The following SZT2 variants were observed in gnomAD, a reference collection of about 807,000 sequenced individuals.
SZT2 encodes the protein SZT2 subunit of KICSTOR complex.
SZT2 carries 216 observed loss-of-function variants against 404.2 expected under a neutral mutation model. That is an observed-to-expected ratio of 0.53 (90% CI 0.48 to 0.60). The LOEUF (loss-of-function observed/expected upper bound fraction) is 0.60, where lower values mean the gene tolerates loss of function less well. Among genes scored for constraint, SZT2 ranks in the 20% least tolerant of loss-of-function variants. SZT2 has a pLI of 0.00. For missense variants in SZT2, 3,857 were observed against 4,459.2 expected (o/e 0.86, Z 3.85); for synonymous variants, 1,693 against 1,749.9 (o/e 0.97, Z 0.81).
rs758017419 is a variant in SZT2, at chr1:43,425,936, G to T, written c.2916G>T (p.Pro972=). 4.5e-5 allele frequency: 72 copies of T among 1,614,064 alleles called. No individual in the cohort carries two copies. In the South Asian group the frequency reaches 7.5e-4, roughly 17 times the overall value. Residue 972 remains proline (P), a synonymous_variant, in exon 20 of 72, where the codon CCG becomes CCT. Coordinates refer to ENST00000634258, the MANE Select transcript of SZT2 (RefSeq NM_001365999.1). This position sits in a 1 kb window ranked among gnomAD's most constrained non-coding sequence, Gnocchi z 4.3. ...AATGGGGTCCTCTGCCCCCAGAGCCGAGGGTCTCTGATGGTGAGTGGGGCA... is the reference window on the plus strand; with the variant it reads ...AATGGGGTCCTCTGCCCCCAGAGCCTAGGGTCTCTGATGGTGAGTGGGGCA... The part of the protein sequence containing the change: ...SKEWGPLPPE[P]RVSDGLDQGG...
Position 43,427,135 on chromosome 1 carries a change from AC to A in SZT2, c.3394del (p.Gln1132SerfsTer5). ...PQWRCYARLV[N>X]PQHVFLTFLP... is the part of the protein sequence containing the mutation. ...TGGCGCTGCTATGCAAGGCTTGTGAACCCCCAGCATGTGTTTCTGACTTTTC... is the reference window on the plus strand; with the variant it reads ...TGGCGCTGCTATGCAAGGCTTGTGAACCCCAGCATGTGTTTCTGACTTTTC... On this transcript the variant is annotated frameshift_variant, in exon 24 of 72. Transcript: ENST00000634258. LOFTEE classifies it high-confidence loss of function. 1 of 1,613,980 alleles carries A rather than the reference AC, an allele frequency of 6.2e-7. No individual in the cohort carries two copies. Among genetic ancestry groups the A allele is most frequent in the Non-Finnish European group, 8.5e-7 (1 of 1,179,984 alleles).
At chr1:43,410,397 A>G (rs1361802225) in intron 4 of SZT2, 1 of 151,924 alleles carries the variant, frequency 6.6e-6, no homozygotes, top group Non-Finnish European at 1.5e-5. Flanking sequence ...CTAAAAAACT[A>G]CAAAAAAACT....
At position 43,426,781 on chromosome 1, in the gene SZT2, C is replaced by T. The variant is rs745780102; in HGVS notation, c.3281C>T (p.Ala1094Val). The change falls in exon 23 of 72, where the codon GCC becomes GTC. Residue 1094 changes from alanine to valine, a missense_variant. Ala to Val is a moderately conservative substitution (Grantham distance 64, BLOSUM62 0). Around this residue, in one of 7 missense-constraint regions of SZT2, gnomAD observed 1,725 missense variants for 1,881.0 expected, o/e 0.92. Coordinates refer to ENST00000634258, the MANE Select transcript of SZT2 (RefSeq NM_001365999.1). The surrounding 1 kb of genome is among the most constrained non-coding windows in gnomAD (Gnocchi z 4.9). ...PKEQAVGSTQ[A>V]TGDSAFTSLS... ...GAGCAAGCAGTCGGCAGCACCCAGG[C>T]CACAGGAGACTCCGCTTTTACTTCC... 8.1e-6 allele frequency: 13 copies of T among 1,613,714 alleles called. No individual in the cohort carries two copies. Among genetic ancestry groups the T allele is most frequent in the Non-Finnish European group, 1.0e-5 (12 of 1,179,902 alleles).
chr1:43,394,376 G>T (rs1023525886), intron 1 of SZT2, among the ~76,000 whole-genome samples: 1 of 151,978 alleles, frequency 6.6e-6, no homozygotes, highest in Non-Finnish European at 1.5e-5. Flanking sequence ...ACCCAGTCTG[G>T]AGCCCATCAA....
Position 43,420,346 on chromosome 1 carries a change from G to A in SZT2, c.1261+23G>A, listed in dbSNP as rs771406475. ...AAGGTAAGGGTCATTAGGCCCTGCT[G>A]TAATCCCATAGATCTCTCAAGAATT... On this transcript the variant is annotated intron_variant, in intron 9 of 71. Coordinates refer to ENST00000634258, the MANE Select transcript of SZT2 (RefSeq NM_001365999.1). This position sits in a 1 kb window ranked among gnomAD's most constrained non-coding sequence, Gnocchi z 5.1. 2 of 1,549,378 alleles carry A rather than the reference G, an allele frequency of 1.3e-6. No individual in the cohort carries two copies. The highest frequency in any genetic ancestry group is 1.9e-5 in the Admixed American group (1 of 52,092).
intron 32 of SZT2, 34 bp downstream of exon 32, chr1:43,430,823 G>A (rs747347246): frequency 2.5e-6 from 4 of 1,593,618 alleles, no homozygotes; most frequent in Non-Finnish European, 3.4e-6. Flanking sequence ...AAAGCCAAAG[G>A]TCCTGGAACA....
At position 43,441,915 on chromosome 1, in the gene SZT2, G is replaced by A; in HGVS notation, c.7743-85G>A. 1.9e-6 allele frequency: 3 copies of A among 1,593,280 alleles called. No individual in the cohort carries two copies. The highest frequency in any genetic ancestry group is 2.6e-6 in the Non-Finnish European group (3 of 1,166,578). ...AACCTGAGGAAGCTGAGCTAGGAGA[G>A]GTGGAAACAAGGCCCAGGGAGGTGA... On this transcript the variant is annotated intron_variant, in intron 55 of 71. Transcript: ENST00000634258. This position sits in a 1 kb window ranked among gnomAD's most constrained non-coding sequence, Gnocchi z 4.8.
Position 43,450,361 on chromosome 1 carries a change from C to G in SZT2, c.10180C>G (p.Pro3394Ala), listed in dbSNP as rs373413477. The G allele has an allele frequency of 2.5e-6, 4 of 1,614,084 alleles. No homozygotes were observed. Among genetic ancestry groups the G allele is most frequent in the Non-Finnish European group, 3.4e-6 (4 of 1,179,986 alleles). The change falls in exon 72 of 72, where the codon CCC becomes GCC. Residue 3394 changes from proline to alanine, a missense_variant. Pro to Ala is a conservative substitution (Grantham distance 27). Coordinates refer to ENST00000634258, the MANE Select transcript of SZT2 (RefSeq NM_001365999.1). This position sits in a 1 kb window ranked among gnomAD's most constrained non-coding sequence, Gnocchi z 4.3. ...KTSLTVVFRE[P>A]FPVQPQDSES... ...GTCTCTGACAGTGGTTTTCCGAGAG[C>G]CCTTCCCAGTACAGCCCCAGGACAG...
chr1:43,452,987 A>G lies in SZT2; in HGVS notation c.*2507A>G, dbSNP rs920366813. 5 of 1,589,644 alleles carry G rather than the reference A, an allele frequency of 3.1e-6. No homozygotes were observed. The highest frequency in any genetic ancestry group is 3.4e-6 in the Non-Finnish European group (4 of 1,161,028). ...GCAAGGAACACTCAACTTCCTGCCCATCAAGCAATGCCCACTCCTTGAAGA... is the reference window on the plus strand; with the variant it reads ...GCAAGGAACACTCAACTTCCTGCCCGTCAAGCAATGCCCACTCCTTGAAGA... On this transcript the variant is annotated 3_prime_UTR_variant, in exon 72 of 72. Coordinates refer to ENST00000634258, the MANE Select transcript of SZT2 (RefSeq NM_001365999.1).
rs1415091303 is a variant in SZT2, at chr1:43,451,392, C to T, written c.*912C>T. ...TCCGGGTCCCTCCAGAGCTCCCTTC[C>T]CCAGGGCCACGCCTCACCTCGAGGC... On this transcript the variant is annotated 3_prime_UTR_variant, in exon 72 of 72. Coordinates refer to ENST00000634258, the MANE Select transcript of SZT2 (RefSeq NM_001365999.1). 1.2e-6 allele frequency: 2 copies of T among 1,612,042 alleles called. No individual in the cohort carries two copies. The highest frequency in any genetic ancestry group is 3.3e-5 in the Admixed American group (2 of 60,028).
In SZT2 at chr1:43,441,538, G is replaced by A; in HGVS notation, c.7546G>A (p.Gly2516Arg). 3.7e-6 allele frequency: 6 copies of A among 1,614,152 alleles called. No homozygotes were observed. The highest frequency in any genetic ancestry group is 5.1e-6 in the Non-Finnish European group (6 of 1,180,022). ...AACACAGCTAGAAGAGGGTGAGGTG[G>A]GGACCCTTCATCCTGTGTTTGCCCG... ...RTTQLEEGEV[G>R]TLHPVFARVA... The change falls in exon 54 of 72, where the codon GGG becomes AGG. Residue 2516 changes from glycine (G) to arginine (R), a missense_variant. Coordinates refer to ENST00000634258, the MANE Select transcript of SZT2 (RefSeq NM_001365999.1). This position sits in a 1 kb window ranked among gnomAD's most constrained non-coding sequence, Gnocchi z 4.8.
At chr1:43,391,705 C>G (rs372869377) in intron 1 of SZT2, among the ~76,000 whole-genome samples, 1 of 152,134 alleles carries the variant, frequency 6.6e-6, no homozygotes. Flanking sequence ...ACCTTTTAGG[C>G]AGATAGTCTA....
At chr1:43,433,803 A>G (rs1295561143) in intron 40 of SZT2, among the ~76,000 whole-genome samples, 48 of 152,230 alleles carry the variant, frequency 3.2e-4, no homozygotes, top group Admixed American at 3.1e-3. Context: ...CATAATAGCT[A>G]ATATTTATCA....
rs187122906 is a variant in SZT2, at chr1:43,453,917, G to A, written c.*3437G>A. 1,003 of 1,209,100 alleles carry A rather than the reference G, an allele frequency of 8.3e-4. 21 individuals are homozygous for A. The East Asian group carries it at 0.018, about 22-fold the overall frequency. 74.9% of individuals were successfully genotyped at this position (1,209,100 alleles called of 1,614,324 possible). A position where few individuals can be genotyped will look rare whatever the true frequency, so the allele number is the denominator to read the frequency against. ...TGCGAACGAACGAGCACTGTTCGTGGTTAGAAAAGCGAAGTGCTGTAAAAA... is the reference window on the plus strand; with the variant it reads ...TGCGAACGAACGAGCACTGTTCGTGATTAGAAAAGCGAAGTGCTGTAAAAA... On this transcript the variant is annotated 3_prime_UTR_variant, in exon 72 of 72. Coordinates refer to ENST00000634258, the MANE Select transcript of SZT2 (RefSeq NM_001365999.1).
Position 43,416,653 on chromosome 1 carries a change from T to C in SZT2, c.879+12T>C. ...GTTCCTTTGTCCAGGTGAGGACTTT[T>C]TAGGAAGGACGAGAGAGATATGGAA... On this transcript the variant is annotated intron_variant, in intron 7 of 71. Coordinates refer to ENST00000634258, the MANE Select transcript of SZT2 (RefSeq NM_001365999.1). 2 of 1,590,258 alleles carry C rather than the reference T, an allele frequency of 1.3e-6. No individual in the cohort carries two copies. The highest frequency in any genetic ancestry group is 1.1e-5 in the South Asian group (1 of 89,948).
At position 43,448,853 on chromosome 1, in the gene SZT2, A is replaced by ACAGATACATGTAAAACCCTTC; in HGVS notation, c.10086+129_10086+149dup. On this transcript the variant is annotated intron_variant, in intron 70 of 71. Coordinates refer to ENST00000634258, the MANE Select transcript of SZT2 (RefSeq NM_001365999.1). The surrounding 1 kb of genome is among the most constrained non-coding windows in gnomAD (Gnocchi z 4.2). ...GGAGGCCTAGACAGAACGGGACTACACAGATACATGTAAAACCCTTCCAGT... is the reference window on the plus strand; with the variant it reads ...GGAGGCCTAGACAGAACGGGACTACACAGATACATGTAAAACCCTTCCAGATACATGTAAAACCCTTCCAGT... 1 of 860,540 alleles carries ACAGATACATGTAAAACCCTTC rather than the reference A, an allele frequency of 1.2e-6. No homozygotes were observed. 53.3% of individuals were successfully genotyped at this position (860,540 alleles called of 1,614,324 possible).
chr1:43,430,131 C>T (rs144201054), intron 30 of SZT2, 28 bp downstream of exon 30: 10 of 1,612,696 alleles, frequency 6.2e-6, no homozygotes, highest in African/African-American at 2.7e-5. Flanking sequence ...TTACCTCTCT[C>T]GTGCCCTCAA....
intron 1 of SZT2, among the ~76,000 whole-genome samples, chr1:43,391,152 T>C (rs1648263278): frequency 2.0e-5 from 3 of 152,132 alleles, no homozygotes; most frequent in Non-Finnish European, 4.4e-5. Context: ...CTGTCTGTAC[T>C]GAAAATGCAA....
At chr1:43,445,730 T>C (rs931307916) in intron 62 of SZT2, 164 bp from the exon 63 acceptor site, 6 of 708,584 alleles carry the variant, frequency 8.5e-6, no homozygotes, top group Middle Eastern at 2.4e-4. Context: ...CCTTGCAGTC[T>C]AGACCTGGAC....
Sources: gnomAD v4.1 joint callset for allele counts (sites outside exome capture counted in the v4.1 genomes callset) on GRCh38, gnomAD v4.1.1 for gene constraint, gnomAD v4.1.1 regional missense constraint, Gnocchi (gnomAD v3.1) non-coding constraint, MANE v1.5 for transcripts, NCBI Gene and HGNC (gene_info 2026-07-23, HGNC 2026-07-21) for gene names.